PLA2G5: variants seen among roughly 807,000 people sequenced by gnomAD.
PLA2G5 encodes phospholipase A2 group V.
PLA2G5 carries 12 observed loss-of-function variants against 15.9 expected under a neutral mutation model. The ratio of observed to expected loss-of-function variants is 0.76; its 90% confidence interval spans 0.48 to 1.23. The LOEUF (loss-of-function observed/expected upper bound fraction) is 1.23, where lower values mean the gene tolerates loss of function less well. Among genes scored for constraint, PLA2G5 ranks in the 50% most tolerant of loss-of-function variants. PLA2G5 has a pLI of 0.00. For synonymous variants in PLA2G5, 71 were observed against 71.4 expected, an observed-to-expected ratio of 0.99 and a Z score of 0.03; for missense variants, 169 against 177.1, an observed-to-expected ratio of 0.95 and a Z score of 0.26.
intron 1 of PLA2G5, among the ~76,000 whole-genome samples, chr1:20,078,186 C>T (rs1049202250): frequency 3.3e-5 from 5 of 152,050 alleles, no homozygotes; most frequent in African/African-American, 1.2e-4. Context: ...GAGGAGGTGA[C>T]CCCCAAGCTT....
At chr1:20,059,086 A>G (rs535275981) in intron 1 of PLA2G5, among the ~76,000 whole-genome samples, 1 of 143,920 alleles carries the variant, frequency 6.9e-6, no homozygotes, top group Non-Finnish European at 1.5e-5. Flanking sequence ...AGGTGAGAGA[A>G]TCACCCAGAC....
intron 3 of PLA2G5, among the ~76,000 whole-genome samples, chr1:20,087,787 G>A (rs1450755896): frequency 2.0e-5 from 3 of 152,014 alleles, no homozygotes; most frequent in Admixed American, 6.6e-5. Context: ...AAAAAGTAAG[G>A]AAGTGCTTAA....
At chr1:20,032,339 ACAGT>A (rs2013001807) in intron 1 of PLA2G5, among the ~76,000 whole-genome samples, 1 of 151,596 alleles carries the variant, frequency 6.6e-6, no homozygotes, top group Non-Finnish European at 1.5e-5. Flanking sequence ...AATAGAAGTG[ACAGT>A]GTGTGTGTGG....
At chr1:20,062,746 G>T (rs946438937) in intron 2 of PLA2G5, among the ~76,000 whole-genome samples, 1 of 152,182 alleles carries the variant, frequency 6.6e-6, no homozygotes, top group African/African-American at 2.4e-5. Context: ...TGGAAGGGGC[G>T]CTGTCAATGT....
chr1:20,038,045 A>T (rs992858241), intron 1 of PLA2G5, among the ~76,000 whole-genome samples: 1 of 152,132 alleles, frequency 6.6e-6, no homozygotes, highest in African/African-American at 2.4e-5. Context: ...GCTGGCAGTG[A>T]CAGGCTTCAC....
chr1:20,078,613 A>T lies in PLA2G5; in HGVS notation c.-10-6208A>T, dbSNP rs3767231. On this transcript the variant is annotated intron_variant, in intron 1 of 4. Coordinates refer to ENST00000375108, the MANE Select transcript of PLA2G5 (RefSeq NM_000929.3). ...TCTGTCTCATTCACCGTGGGATCCC[A>T]GTGCCTGGCACGTAGTAGACACTTC... is the stretch of plus-strand genomic sequence containing the variant. Among the ~76,000 whole-genome samples the T allele has an allele frequency of 3.9e-5, 6 of 152,304 alleles. No homozygotes were observed. The East Asian group carries it at 7.7e-4, about 20-fold the overall frequency.
Position 20,064,548 on chromosome 1 carries a change from C to T in PLA2G5, n.338-4325C>T, listed in dbSNP as rs555646651. Among the ~76,000 whole-genome samples the T allele has an allele frequency of 6.3e-4, 95 of 150,708 alleles. 1 individual carries two copies. Among genetic ancestry groups the T allele is most frequent in the Admixed American group, 2.3e-3 (34 of 15,048 alleles). On this transcript the variant is annotated intron_variant and non_coding_transcript_variant, in intron 2 of 6. Transcript: ENST00000460175. ...TGAGATCATGCCACTGTACTTTAGC[C>T]TGGGTGACAGAGCGAGACTCCATCT...
At chr1:20,037,999 G>T (rs1285471994) in intron 1 of PLA2G5, among the ~76,000 whole-genome samples, 4 of 152,056 alleles carry the variant, frequency 2.6e-5, no homozygotes, top group Non-Finnish European at 5.9e-5. Flanking sequence ...GCATGCTTTT[G>T]CTGTGTCATG....
At chr1:20,069,218 A>G (rs993799462), upstream of PLA2G5, among the ~76,000 whole-genome samples, 7 of 152,226 alleles carry the variant, frequency 4.6e-5, no homozygotes, top group Admixed American at 3.3e-4. Flanking sequence ...AATGACTGGT[A>G]ACGTTGAAAA....
chr1:20,038,364 C>T (rs1569634128), intron 1 of PLA2G5, among the ~76,000 whole-genome samples: 1 of 152,156 alleles, frequency 6.6e-6, no homozygotes, highest in East Asian at 1.9e-4. Flanking sequence ...TGTGATCTTT[C>T]CCCAATTACA....
In PLA2G5 at chr1:20,070,330, C is replaced by T. The variant is rs910718488; in HGVS notation, c.-146C>T. 2.2e-5 allele frequency: 22 copies of T among 985,376 alleles called. No individual in the cohort carries two copies. The highest frequency in any genetic ancestry group is 6.1e-5 in the Admixed American group (1 of 16,272). 61.0% of individuals were successfully genotyped at this position (985,376 alleles called of 1,614,324 possible). ...TGGAGGCCAAGAATTTGACTCCCCC[C>T]GGATCCATGGTCTGTGGATACCAAT... On this transcript the variant is annotated 5_prime_UTR_variant, in exon 1 of 5. Coordinates refer to ENST00000375108, the MANE Select transcript of PLA2G5 (RefSeq NM_000929.3).
intron 1 of PLA2G5, among the ~76,000 whole-genome samples, chr1:20,030,087 G>C (rs1405718436): frequency 6.6e-6 from 1 of 152,220 alleles, no homozygotes; most frequent in African/African-American, 2.4e-5. Flanking sequence ...ATGAGAGACT[G>C]AGAAAAGAAA....
chr1:20,085,907 T>C (rs1332512310), intron 2 of PLA2G5, among the ~76,000 whole-genome samples, 176 bp from the exon 3 acceptor site: 1 of 152,160 alleles, frequency 6.6e-6, no homozygotes, highest in Non-Finnish European at 1.5e-5. Context: ...TTCCAAACTC[T>C]TAACCAGTTC....
At chr1:20,089,464 T>C (rs2016456109) in intron 3 of PLA2G5, among the ~76,000 whole-genome samples, 1 of 152,166 alleles carries the variant, frequency 6.6e-6, no homozygotes, top group African/African-American at 2.4e-5. Context: ...TGTGGGAAGT[T>C]TGTCTGGGCA....
chr1:20,075,594 A>G (rs527923888), intron 1 of PLA2G5, among the ~76,000 whole-genome samples: 93 of 152,344 alleles, frequency 6.1e-4, no homozygotes, highest in African/African-American at 2.0e-3. Flanking sequence ...CATGGGCACC[A>G]TGCATCCAGC....
At chr1:20,070,682 C>T (rs1164332809) in intron 1 of PLA2G5, among the ~76,000 whole-genome samples, 1 of 152,198 alleles carries the variant, frequency 6.6e-6, no homozygotes, top group Non-Finnish European at 1.5e-5. Flanking sequence ...GGCCAGGCCA[C>T]ACCTCAAGGG....
At chr1:20,085,955 G>A in intron 2 of PLA2G5, 128 bp from the exon 3 acceptor site, 1 of 846,464 alleles carries the variant, frequency 1.2e-6, no homozygotes, top group Non-Finnish European at 1.8e-6. Flanking sequence ...CTAATGGAGA[G>A]AATAAAAAAG....
At chr1:20,039,014 C>A (rs947789630) in intron 1 of PLA2G5, among the ~76,000 whole-genome samples, 3 of 152,080 alleles carry the variant, frequency 2.0e-5, no homozygotes, top group African/African-American at 4.8e-5. Context: ...GGTGTAGGTG[C>A]TTGGAGAGGC....
At chr1:20,033,681 G>A (rs1224850689) in intron 1 of PLA2G5, among the ~76,000 whole-genome samples, 4 of 152,142 alleles carry the variant, frequency 2.6e-5, no homozygotes, top group Admixed American at 2.0e-4. Flanking sequence ...TGGCAGAGTA[G>A]TCCAAGAGCA....
Sources: gnomAD v4.1 joint callset for allele counts (sites outside exome capture counted in the v4.1 genomes callset) on GRCh38, gnomAD v4.1.1 for gene constraint, MANE v1.5 for transcripts, NCBI Gene and HGNC (gene_info 2026-07-23, HGNC 2026-07-21) for gene names.